The following FOXP2 variants were observed in gnomAD, a reference collection of about 807,000 sequenced individuals.
FOXP2 encodes forkhead box P2, also known as forkhead box protein P2.
In FOXP2, 12 loss-of-function variants were observed where a neutral mutation model predicts 115.8. The ratio of observed to expected loss-of-function variants is 0.10; its 90% CI spans 0.07 to 0.17. FOXP2 has a LOEUF of 0.17. FOXP2 is among the 10% of genes least tolerant of loss of function. The pLI is 1.00. For missense variants in FOXP2, 629 were observed against 843.5 expected, an observed-to-expected ratio of 0.75 and a Z score of 3.15; for synonymous variants, 328 against 297.7, an observed-to-expected ratio of 1.10 and a Z score of -1.05.
intron 1 of FOXP2, among the ~76,000 whole-genome samples, chr7:114,091,290 T>A (rs1163814907): frequency 6.6e-6 from 1 of 151,844 alleles, no homozygotes; most frequent in Non-Finnish European, 1.5e-5. Flanking sequence ...ATTGAGAAGC[T>A]GGAGAGAGTT....
chr7:114,484,437 A>C (rs947018502), intron 2 of FOXP2, among the ~76,000 whole-genome samples: 2 of 151,894 alleles, frequency 1.3e-5, no homozygotes, highest in African/African-American at 2.4e-5. Context: ...TCAAATGGCC[A>C]GTATATCCTG....
chr7:114,536,112 G>T (rs1303219215), intron 3 of FOXP2, among the ~76,000 whole-genome samples: 1 of 151,466 alleles, frequency 6.6e-6, no homozygotes, highest in African/African-American at 2.4e-5. Context: ...CAAATGAAAT[G>T]TTTATCCTCA....
chr7:114,612,142 A>G (rs1017445682), intron 3 of FOXP2, among the ~76,000 whole-genome samples: 4 of 152,036 alleles, frequency 2.6e-5, no homozygotes, highest in Non-Finnish European at 5.9e-5. Flanking sequence ...CATGACGAAA[A>G]TGGAAGAGAG....
chr7:114,220,816 A>AT (rs903809633), intron 1 of FOXP2, among the ~76,000 whole-genome samples: 1 of 152,134 alleles, frequency 6.6e-6, no homozygotes. Flanking sequence ...TTACATGCCT[A>AT]TTTTTTTCTT....
chr7:114,455,514 T>C (rs1394012971), intron 2 of FOXP2, among the ~76,000 whole-genome samples: 1 of 152,100 alleles, frequency 6.6e-6, no homozygotes, highest in Non-Finnish European at 1.5e-5. Flanking sequence ...AGAAAGTAAA[T>C]CATCTCATGG....
chr7:114,184,810 A>T (rs183890098), intron 1 of FOXP2, among the ~76,000 whole-genome samples: 239 of 152,336 alleles, frequency 1.6e-3, no homozygotes, highest in African/African-American at 5.5e-3. Flanking sequence ...TCCGTTTGCA[A>T]CATACATTCA....
chr7:114,525,965 A>C (rs1469524735), intron 2 of FOXP2, among the ~76,000 whole-genome samples: 1 of 151,898 alleles, frequency 6.6e-6, no homozygotes, highest in South Asian at 2.1e-4. Context: ...TACAAAAATT[A>C]TCTGGGCGTG....
chr7:114,236,298 GT>G (rs1363650559), intron 1 of FOXP2, among the ~76,000 whole-genome samples: 3 of 152,156 alleles, frequency 2.0e-5, no homozygotes, highest in African/African-American at 7.2e-5. Context: ...GAAAAAATCT[GT>G]AGTAATTTAT....
chr7:114,671,695 A>G (rs1322542935), intron 16 of FOXP2, among the ~76,000 whole-genome samples: 1 of 152,188 alleles, frequency 6.6e-6, no homozygotes, highest in Non-Finnish European at 1.5e-5. Flanking sequence ...AAAAATGAAG[A>G]TCTTATGTAC....
rs145396596 is a variant in FOXP2 at position 114,333,314 on chromosome 7, C to T, written c.-11+45205C>T. Among the ~76,000 whole-genome samples, 316 of 152,208 alleles carry T rather than the reference C, an allele frequency of 2.1e-3. 2 individuals are homozygous for T. Among genetic ancestry groups the T allele is most frequent in the African/African-American group, 7.2e-3 (300 of 41,558 alleles). ...TTTGGAGAAGGAGGAATTTTTAGAA[C>T]GAAAAAGCTTAATAAACCACATCTA... is the stretch of plus-strand genomic sequence containing the variant. On this transcript the variant is annotated intron_variant, in intron 2 of 17. Coordinates refer to the FOXP2 transcript ENST00000634411.
At chr7:114,504,784 T>C (rs1241261981) in intron 2 of FOXP2, among the ~76,000 whole-genome samples, 1 of 151,680 alleles carries the variant, frequency 6.6e-6, no homozygotes, top group Non-Finnish European at 1.5e-5. Flanking sequence ...TTTGGAATCA[T>C]GTGGACATAA....
intron 3 of FOXP2, among the ~76,000 whole-genome samples, chr7:114,604,242 C>CT: frequency 6.6e-6 from 1 of 152,168 alleles, no homozygotes; most frequent in Middle Eastern, 3.4e-3. Context: ...TCTATGGAGC[C>CT]TTTTTTATGA....
intron 2 of FOXP2, among the ~76,000 whole-genome samples, chr7:114,342,019 G>A (rs1341483591): frequency 6.6e-6 from 1 of 151,258 alleles, no homozygotes; most frequent in Admixed American, 6.6e-5. Context: ...CGATAAAATG[G>A]GTAACTAAGT....
chr7:114,642,902 G>A (rs375851173), intron 7 of FOXP2, among the ~76,000 whole-genome samples: 14 of 146,240 alleles, frequency 9.6e-5, no homozygotes, highest in East Asian at 2.1e-4. Context: ...TCCGCCTCCC[G>A]GGTTCCTGCC....
intron 1 of FOXP2, among the ~76,000 whole-genome samples, chr7:114,249,044 G>T (rs905934239): frequency 6.6e-6 from 1 of 152,062 alleles, no homozygotes; most frequent in African/African-American, 2.4e-5. Flanking sequence ...ACAAGAAAAA[G>T]TACCTGCTCT....
chr7:114,167,251 A>T (rs143855571), intron 1 of FOXP2, among the ~76,000 whole-genome samples: 144 of 152,330 alleles, frequency 9.5e-4, no homozygotes, highest in African/African-American at 3.3e-3. Flanking sequence ...TTATTCAATA[A>T]TAAAAAGAAA....
intron 16 of FOXP2, among the ~76,000 whole-genome samples, chr7:114,674,015 C>T (rs76867314): frequency 6.6e-6 from 1 of 152,146 alleles, no homozygotes; most frequent in East Asian, 1.9e-4. Flanking sequence ...CTGATACTGA[C>T]TTTAAATGGA....
In FOXP2 at chr7:114,690,043, G is replaced by A. The variant is rs1305687978; in HGVS notation, c.*117G>A. 2 of 1,299,588 alleles carry A rather than the reference G, an allele frequency of 1.5e-6. No homozygotes were observed. Among genetic ancestry groups the A allele is most frequent in the Non-Finnish European group, 1.1e-6 (1 of 912,320 alleles). The allele number at this position is 1,299,588 out of a possible 1,614,324, so 80.5% of individuals were successfully genotyped here. On this transcript the variant is annotated 3_prime_UTR_variant, in exon 17 of 17. Coordinates refer to ENST00000350908, the MANE Select transcript of FOXP2 (RefSeq NM_014491.4). Reference sequence around the variant, plus strand: ...GACTATTTATTAAGCATGGATAAAGGAGACAGCCCTAAAGGAACTTACTAA... The same window carrying A: ...GACTATTTATTAAGCATGGATAAAGAAGACAGCCCTAAAGGAACTTACTAA...
At chr7:114,436,880 A>G (rs920374610) in intron 2 of FOXP2, among the ~76,000 whole-genome samples, 1 of 152,204 alleles carries the variant, frequency 6.6e-6, no homozygotes, top group Non-Finnish European at 1.5e-5. Context: ...ACTCTGGCTT[A>G]TAATAAACAT....
Sources: allele counts gnomAD v4.1 joint callset (sites outside exome capture counted in the v4.1 genomes callset), GRCh38; gene constraint gnomAD v4.1.1; transcripts MANE v1.5; gene names NCBI Gene and HGNC (gene_info 2026-07-23, HGNC 2026-07-21).